OCLN: variants seen among roughly 807,000 people sequenced by gnomAD.
The protein encoded by OCLN is phosphatase 1, regulatory subunit 115.
OCLN carries 21 observed loss-of-function variants against 47.9 expected under a neutral mutation model. That is an observed-to-expected ratio of 0.44 (90% CI 0.31 to 0.63). The LOEUF is 0.63. Ranked by LOEUF, OCLN falls within the 30% of genes least tolerant of loss-of-function variation. OCLN has a pLI of 0.08. For missense variants in OCLN, 360 were observed against 571.0 expected (o/e 0.63, Z 3.77); for synonymous variants, 117 against 198.4 (o/e 0.59, Z 3.45).
At chr5:69,529,178 C>G (rs1205240148) in intron 4 of OCLN, among the ~76,000 whole-genome samples, 1 of 152,160 alleles carries the variant, frequency 6.6e-6, no homozygotes, top group Admixed American at 6.5e-5. Context: ...CCATCTTACT[C>G]TCAGGTGAGG....
intron 4 of OCLN, among the ~76,000 whole-genome samples, chr5:69,532,500 A>G (rs959141904): frequency 2.0e-5 from 3 of 152,034 alleles, no homozygotes; most frequent in Non-Finnish European, 4.4e-5. Flanking sequence ...TTTTTCCCAC[A>G]CTTTATTTCT....
chr5:69,504,319 T>G (rs371088927), intron 2 of OCLN, 25 bp downstream of exon 2: 11 of 1,439,126 alleles, frequency 7.6e-6, no homozygotes, highest in Non-Finnish European at 9.8e-6. Flanking sequence ...CTTTAGTTAT[T>G]CTCTTTTAAA....
chr5:69,496,900 T>G (rs1311981739), intron 1 of OCLN, among the ~76,000 whole-genome samples: 9 of 152,238 alleles, frequency 5.9e-5, no homozygotes, highest in Non-Finnish European at 1.2e-4. Context: ...ACTTCTGTCC[T>G]TGTCACTCTC....
At position 69,493,388 on chromosome 5, in the gene OCLN, C is replaced by T. The variant is rs1029637879; in HGVS notation, c.-69+488C>T. On this transcript the variant is annotated intron_variant, in intron 1 of 8. Transcript: ENST00000396442. The surrounding 1 kb of genome is among the most constrained non-coding windows in gnomAD (Gnocchi z 5.3). ...TTAGATCCCGGGGGGAATTTCATTCCTTCCGCTCCCACCCCACCCCTTTGG... is the reference window on the plus strand; with the variant it reads ...TTAGATCCCGGGGGGAATTTCATTCTTTCCGCTCCCACCCCACCCCTTTGG... 1.3e-5 allele frequency among the ~76,000 whole-genome samples: 2 copies of T among 152,054 alleles called. No homozygotes were observed. Among genetic ancestry groups the T allele is most frequent in the African/African-American group, 4.8e-5 (2 of 41,412 alleles).
chr5:69,536,710 T>C lies in OCLN; in HGVS notation c.1037+1871T>C, dbSNP rs1490873045. ...AAGGCCGGACGCGGTGGCTCACCCC[T>C]GTAATCCCAGCACTTTGGGAGGCTG... On this transcript the variant is annotated intron_variant, in intron 5 of 8. Transcript: ENST00000396442. Among the ~76,000 whole-genome samples, 3 of 151,114 alleles carry C rather than the reference T, an allele frequency of 2.0e-5. No individual in the cohort carries two copies. The East Asian group carries it at 5.8e-4, about 29-fold the overall frequency.
intron 2 of OCLN, among the ~76,000 whole-genome samples, chr5:69,505,328 T>C (rs182727240): frequency 3.7e-4 from 57 of 152,312 alleles, no homozygotes; most frequent in African/African-American, 1.3e-3. Flanking sequence ...CCATTTAGAA[T>C]GGATAGTTTA....
intron 1 of OCLN, among the ~76,000 whole-genome samples, chr5:69,501,368 G>A (rs1768454165): frequency 6.6e-6 from 1 of 152,204 alleles, no homozygotes; most frequent in Admixed American, 6.5e-5. Flanking sequence ...ATTGGCTCAT[G>A]CCTGTAATCC....
intron 4 of OCLN, among the ~76,000 whole-genome samples, chr5:69,529,051 G>A (rs1769359366): frequency 6.6e-6 from 1 of 152,202 alleles, no homozygotes; most frequent in Non-Finnish European, 1.5e-5. Flanking sequence ...CTTTGTTTTG[G>A]AGGAGAGAAG....
At chr5:69,534,905 T>C in intron 5 of OCLN, 66 bp downstream of exon 5, 1 of 1,558,004 alleles carries the variant, frequency 6.4e-7, no homozygotes, top group South Asian at 1.1e-5. Flanking sequence ...ATAATTGGTT[T>C]TTGTGCCTTT....
At position 69,530,390 on chromosome 5, in the gene OCLN, C is replaced by G. The variant is rs555190654; in HGVS notation, c.892-4304C>G. On this transcript the variant is annotated intron_variant, in intron 4 of 8. Transcript: ENST00000396442. Reference sequence around the variant, plus strand: ...ACTTTGTATTGCCCCCTCCAACCCCCTTCTACTTTCCTACTGTCCTTCAAA... The same window carrying G: ...ACTTTGTATTGCCCCCTCCAACCCCGTTCTACTTTCCTACTGTCCTTCAAA... 3.5e-4 allele frequency among the ~76,000 whole-genome samples: 54 copies of G among 152,208 alleles called. No homozygotes were observed. The East Asian group carries it at 0.01, about 29-fold the overall frequency.
intron 4 of OCLN, among the ~76,000 whole-genome samples, chr5:69,533,983 A>G (rs1174176255): frequency 1.3e-5 from 2 of 152,000 alleles, no homozygotes; most frequent in Non-Finnish European, 2.9e-5. Flanking sequence ...TTTCTAATGC[A>G]TGTTACTTTT....
intron 1 of OCLN, among the ~76,000 whole-genome samples, chr5:69,502,648 A>G (rs1768493341): frequency 6.6e-6 from 1 of 152,218 alleles, no homozygotes; most frequent in Non-Finnish European, 1.5e-5. Context: ...CAACATAGCT[A>G]AGGAGTGGCA....
intron 1 of OCLN, among the ~76,000 whole-genome samples, chr5:69,501,335 A>C (rs1047976988): frequency 1.3e-5 from 2 of 152,234 alleles, no homozygotes; most frequent in Non-Finnish European, 2.9e-5. Context: ...CATTACTAGA[A>C]TATAGAGAAA....
At chr5:69,526,985 G>A (rs1196356790) in intron 4 of OCLN, among the ~76,000 whole-genome samples, 2 of 152,162 alleles carry the variant, frequency 1.3e-5, no homozygotes, top group East Asian at 1.9e-4. Flanking sequence ...TACATCAAAA[G>A]GTGAAGCAGG....
Position 69,516,168 on chromosome 5 carries a change from C to T in OCLN, c.891+2059C>T, listed in dbSNP as rs1201016446. 1.1e-4 allele frequency among the ~76,000 whole-genome samples: 16 copies of T among 151,844 alleles called. No individual in the cohort carries two copies. In the East Asian group the frequency reaches 2.5e-3, roughly 24 times the overall value. On this transcript the variant is annotated intron_variant, in intron 4 of 8. Coordinates refer to ENST00000396442, the MANE Select transcript of OCLN (RefSeq NM_001205254.2). ...GGCGGCTGGGAGGTGGAGGTTGTAG[C>T]GAGCCGAGATCACGCCACTGCACTC...
chr5:69,515,366 G>C (rs1281484021), intron 4 of OCLN, among the ~76,000 whole-genome samples: 32 of 128,116 alleles, frequency 2.5e-4, no homozygotes, highest in South Asian at 7.4e-4. Context: ...CGGGCAGAGG[G>C]GCCCCTCACC....
At chr5:69,495,430 G>C (rs1267058034) in intron 1 of OCLN, among the ~76,000 whole-genome samples, 1 of 152,140 alleles carries the variant, frequency 6.6e-6, no homozygotes, top group Non-Finnish European at 1.5e-5. Context: ...TTCTCAGACT[G>C]TTCTGTCTTC....
chr5:69,536,115 C>CTAAA (rs199733932), intron 5 of OCLN, among the ~76,000 whole-genome samples: 11,848 of 149,672 alleles, frequency 0.079, 2 homozygotes, highest in East Asian at 0.17. Flanking sequence ...GAAGCTCCAT[C>CTAAA]TAAATAAATA....
chr5:69,548,796 TA>T (rs1393328601), intron 7 of OCLN, among the ~76,000 whole-genome samples: 1 of 149,658 alleles, frequency 6.7e-6, no homozygotes, highest in Non-Finnish European at 1.5e-5. Flanking sequence ...CCATCTCTAC[TA>T]AAAATACAAA....
Sources: allele counts gnomAD v4.1 joint callset (sites outside exome capture counted in the v4.1 genomes callset), GRCh38; gene constraint gnomAD v4.1.1; non-coding constraint Gnocchi (gnomAD v3.1); transcripts MANE v1.5; gene names NCBI Gene and HGNC (gene_info 2026-07-23, HGNC 2026-07-21).